Variants in DMRT1 observed in about 807,000 individuals in gnomAD.
The protein encoded by DMRT1 is doublesex- and mab-3-related transcription factor 1.
Under a neutral mutation model 32.3 loss-of-function variants are expected in DMRT1, and 7 were observed. The ratio of observed to expected loss-of-function variants is 0.22; its 90% CI spans 0.12 to 0.41. DMRT1 has a LOEUF of 0.41. DMRT1 is among the 10% of genes least tolerant of loss of function. The probability of loss-of-function intolerance (pLI) is 1.00; values close to 1 mark genes in which losing one functional copy is unlikely to be tolerated. For missense variants in DMRT1, 625 were observed against 500.5 expected (o/e 1.25, Z -2.37); for synonymous variants, 278 against 206.1 (o/e 1.35, Z -2.99).
intron 2 of DMRT1, among the ~76,000 whole-genome samples, chr9:879,922 C>T (rs1054498430): frequency 6.6e-6 from 1 of 152,200 alleles, no homozygotes; most frequent in Admixed American, 6.5e-5. Flanking sequence ...AAATCACATT[C>T]ATTAATACTA....
chr9:964,567 A>T (rs1301972021), intron 4 of DMRT1, among the ~76,000 whole-genome samples: 1 of 152,140 alleles, frequency 6.6e-6, no homozygotes, highest in African/African-American at 2.4e-5. Flanking sequence ...CTATTTCTGT[A>T]AATGCTGGGA....
intron 4 of DMRT1, among the ~76,000 whole-genome samples, chr9:960,259 G>A (rs1288909474): frequency 6.6e-6 from 1 of 152,222 alleles, no homozygotes; most frequent in Non-Finnish European, 1.5e-5. Context: ...TGTGTAAAGA[G>A]GGATGAAGAA....
At chr9:874,447 T>G (rs1051134409) in intron 2 of DMRT1, among the ~76,000 whole-genome samples, 2 of 152,228 alleles carry the variant, frequency 1.3e-5, no homozygotes, top group Non-Finnish European at 2.9e-5. Flanking sequence ...AACTTGTATA[T>G]AAGTTTATTT....
chr9:918,385 A>C (rs1818249491), intron 4 of DMRT1, among the ~76,000 whole-genome samples: 1 of 152,226 alleles, frequency 6.6e-6, no homozygotes, highest in South Asian at 2.1e-4. Context: ...CAAAGGTGTA[A>C]ATTCAGAGCA....
At chr9:950,934 T>C (rs771037132) in intron 4 of DMRT1, among the ~76,000 whole-genome samples, 4 of 152,206 alleles carry the variant, frequency 2.6e-5, no homozygotes, top group Non-Finnish European at 5.9e-5. Context: ...TATAAGTGCT[T>C]CTTAAATAAA....
intron 4 of DMRT1, among the ~76,000 whole-genome samples, chr9:961,895 C>A (rs985960731): frequency 6.6e-6 from 1 of 152,176 alleles, no homozygotes; most frequent in African/African-American, 2.4e-5. Flanking sequence ...GTTATTACCC[C>A]CTTTTCACAG....
At chr9:900,164 C>CTGTATTTGAAACTGAGA (rs143489508) in intron 3 of DMRT1, among the ~76,000 whole-genome samples, 85,239 of 151,834 alleles carry the variant, frequency 0.56, 25,328 homozygotes, top group South Asian at 0.67. Context: ...CTAAACCTTT[C>CTGTATTTGAAACTGAGA]TACAGGTAGG....
At chr9:847,276 C>G in intron 2 of DMRT1, 133 bp downstream of exon 2, 1 of 930,934 alleles carries the variant, frequency 1.1e-6, no homozygotes, top group Admixed American at 2.8e-5. Flanking sequence ...AGGATTCTCC[C>G]TGTGAAGGGC....
chr9:923,429 T>C (rs903543766), intron 4 of DMRT1, among the ~76,000 whole-genome samples: 1 of 151,850 alleles, frequency 6.6e-6, no homozygotes, highest in African/African-American at 2.4e-5. Flanking sequence ...CTCGATTTCC[T>C]TACCTGCTGA....
At chr9:948,133 C>T (rs541470893) in intron 4 of DMRT1, among the ~76,000 whole-genome samples, 175 of 152,314 alleles carry the variant, frequency 1.1e-3, no homozygotes, top group African/African-American at 3.9e-3. Flanking sequence ...ATGTGGGCCT[C>T]CTGTGCTGCT....
At chr9:913,661 G>T (rs1818066971) in intron 3 of DMRT1, among the ~76,000 whole-genome samples, 3 of 151,664 alleles carry the variant, frequency 2.0e-5, no homozygotes. Context: ...TTGGGATGCC[G>T]AGGCGGGCGG....
chr9:860,168 A>C (rs1490036133), intron 2 of DMRT1, among the ~76,000 whole-genome samples: 1 of 152,094 alleles, frequency 6.6e-6, no homozygotes, highest in Non-Finnish European at 1.5e-5. Flanking sequence ...GTGGTGGCGC[A>C]TGCCTGTAGT....
intron 4 of DMRT1, among the ~76,000 whole-genome samples, chr9:925,464 G>A (rs1055523771): frequency 2.0e-5 from 3 of 152,174 alleles, no homozygotes; most frequent in Non-Finnish European, 2.9e-5. Flanking sequence ...CAGCCCTGCC[G>A]GAGGGTCAGG....
chr9:896,409 G>C (rs566787097), intron 3 of DMRT1, among the ~76,000 whole-genome samples: 1 of 150,986 alleles, frequency 6.6e-6, no homozygotes, highest in Admixed American at 6.6e-5. Context: ...CTCCTGAGTA[G>C]CTGGGATTAT....
At chr9:890,802 C>A (rs1474048082) in intron 2 of DMRT1, among the ~76,000 whole-genome samples, 1 of 152,164 alleles carries the variant, frequency 6.6e-6, no homozygotes, top group Non-Finnish European at 1.5e-5. Flanking sequence ...GCAACCTCGG[C>A]CTCCCAGGTT....
chr9:851,732 A>G (rs1008320452), intron 2 of DMRT1, among the ~76,000 whole-genome samples: 3 of 152,194 alleles, frequency 2.0e-5, no homozygotes, highest in Non-Finnish European at 2.9e-5. Flanking sequence ...AACATATATT[A>G]GAAGAAAATC....
At chr9:923,501 G>A (rs1027231066) in intron 4 of DMRT1, among the ~76,000 whole-genome samples, 2 of 152,138 alleles carry the variant, frequency 1.3e-5, no homozygotes, top group Non-Finnish European at 2.9e-5. Context: ...GGTGTCTGAT[G>A]TGCAAACAAG....
At chr9:902,874 G>T (rs66826729) in intron 3 of DMRT1, among the ~76,000 whole-genome samples, 1 of 152,008 alleles carries the variant, frequency 6.6e-6, no homozygotes, top group Admixed American at 6.6e-5. Context: ...CCCCAAGTAG[G>T]TTCTGCTGTC....
rs539788581 is a variant in DMRT1, at chr9:869,910, C to T, written c.538+22767C>T. ...CTGTGTATTCTGTGGAGTTGGTGGG[C>T]GTCCTAGTTACAGACTTGGCTGAAC... On this transcript the variant is annotated intron_variant, in intron 2 of 4. Transcript: ENST00000382276. Among the ~76,000 whole-genome samples the T allele has an allele frequency of 1.4e-4, 21 of 152,174 alleles. No homozygotes were observed. In the South Asian group the frequency reaches 2.1e-3, roughly 15 times the overall value.
Sources: allele counts gnomAD v4.1 joint callset (sites outside exome capture counted in the v4.1 genomes callset), GRCh38; gene constraint gnomAD v4.1.1; transcripts MANE v1.5; gene names NCBI Gene and HGNC (gene_info 2026-07-23, HGNC 2026-07-21).